The following SRGAP2C variants were observed in gnomAD, a reference collection of about 807,000 sequenced individuals.
The protein encoded by SRGAP2C is SLIT-ROBO Rho GTPase-activating protein 2C.
Under a neutral mutation model 25.1 loss-of-function variants are expected in SRGAP2C, and 15 were observed. The ratio of observed to expected loss-of-function variants is 0.60; its 90% CI spans 0.40 to 0.92. The LOEUF is 0.92. Among genes scored for constraint, SRGAP2C ranks in the 40% least tolerant of loss-of-function variants. The probability of loss-of-function intolerance (pLI) is 0.00; values close to 1 mark genes in which losing one functional copy is unlikely to be tolerated. For synonymous variants in SRGAP2C, 44 were observed against 96.6 expected (o/e 0.46, Z 3.19); for missense variants, 144 against 264.4 (o/e 0.54, Z 3.16).
At chr1:121,368,345 C>T (rs1247365468) in intron 5 of SRGAP2C, among the ~76,000 whole-genome samples, 1 of 145,824 alleles carries the variant, frequency 6.9e-6, no homozygotes, top group Non-Finnish European at 1.5e-5. Flanking sequence ...GCAGAGCTTG[C>T]AGTGAGCCAA....
chr1:121,377,108 T>TA (rs1182085278), intron 7 of SRGAP2C, among the ~76,000 whole-genome samples: 1 of 132,720 alleles, frequency 7.5e-6, no homozygotes, highest in African/African-American at 2.7e-5. Context: ...ATTTTCATCA[T>TA]TTAAAAAAAA....
At chr1:121,328,892 AAAAAAAAAAAAAAC>A (rs1424713777) in intron 4 of SRGAP2C, among the ~76,000 whole-genome samples, 2 of 23,728 alleles carry the variant, frequency 8.4e-5, no homozygotes, top group East Asian at 0.011. Flanking sequence ...GTCTGTTTAA[AAAAAAAAAAAAAAC>A]AAAAAACAAA....
intron 3 of SRGAP2C, among the ~76,000 whole-genome samples, chr1:121,289,271 A>G (rs1370442164): frequency 6.8e-6 from 1 of 147,202 alleles, no homozygotes; most frequent in East Asian, 2.2e-4. Context: ...GCTAAGGCCC[A>G]GCGAGAAATC....
chr1:121,238,691 G>C (rs1248990871), intron 2 of SRGAP2C, among the ~76,000 whole-genome samples: 1 of 151,156 alleles, frequency 6.6e-6, no homozygotes, highest in Non-Finnish European at 1.5e-5. Flanking sequence ...ATAGCTCACT[G>C]TAACCTCAGA....
chr1:121,258,654 C>T (rs1424890006), intron 2 of SRGAP2C, among the ~76,000 whole-genome samples: 30 of 141,866 alleles, frequency 2.1e-4, no homozygotes, highest in African/African-American at 6.8e-4. Flanking sequence ...TTAGTAGAGA[C>T]GAGATTTCTC....
intron 7 of SRGAP2C, among the ~76,000 whole-genome samples, chr1:121,378,516 G>A (rs1318622706): frequency 6.7e-6 from 1 of 150,368 alleles, no homozygotes; most frequent in African/African-American, 2.5e-5. Context: ...TGATGTTTTT[G>A]AATTTCATCC....
At chr1:121,367,994 T>C (rs1659379651) in intron 5 of SRGAP2C, among the ~76,000 whole-genome samples, 1 of 108,126 alleles carries the variant, frequency 9.2e-6, no homozygotes, top group Non-Finnish European at 1.8e-5. Context: ...GAGAATGGCG[T>C]GAACCTGGGA....
At chr1:121,266,399 C>T (rs1656781648) in intron 2 of SRGAP2C, among the ~76,000 whole-genome samples, 1 of 151,550 alleles carries the variant, frequency 6.6e-6, no homozygotes, top group Non-Finnish European at 1.5e-5. Flanking sequence ...GTTGCAAAAC[C>T]ACCATGGCCT....
Position 121,314,908 on chromosome 1 carries a change from G to C in SRGAP2C, c.261-9570G>C, listed in dbSNP as rs1414171868. On this transcript the variant is annotated intron_variant, in intron 3 of 9. Transcript: ENST00000367123. The stretch of plus-strand genomic sequence containing the variant: ...CTGTAGACCGGAGCTGTTCCTATTC[G>C]GCCATATTGGCTCCTCCCCCCTACA... 3 of 689,428 alleles carry C rather than the reference G, an allele frequency of 4.4e-6. 1 individual carries two copies. Among genetic ancestry groups the C allele is most frequent in the Admixed American group, 5.1e-5 (2 of 39,330 alleles). The allele number at this position is 689,428 out of a possible 1,614,324, so 42.7% of individuals were successfully genotyped here. A position where few individuals can be genotyped will look rare whatever the true frequency, so the allele number is the denominator to read the frequency against.
chr1:121,249,616 C>A (rs1553331010), intron 2 of SRGAP2C, among the ~76,000 whole-genome samples: 1 of 34,222 alleles, frequency 2.9e-5, no homozygotes, highest in Non-Finnish European at 5.4e-5. Context: ...ACTTTAAGTT[C>A]TAGAGTACAT....
intron 4 of SRGAP2C, among the ~76,000 whole-genome samples, chr1:121,336,083 A>G (rs1658508894): frequency 6.6e-6 from 1 of 151,102 alleles, no homozygotes; most frequent in East Asian, 2.0e-4. Context: ...TTCCATGGGA[A>G]ACCCAAGATG....
At chr1:121,341,391 AAAGT>A (rs1658645785) in intron 4 of SRGAP2C, among the ~76,000 whole-genome samples, 1 of 59,682 alleles carries the variant, frequency 1.7e-5, no homozygotes, top group African/African-American at 6.3e-5. Context: ...AATACATAAA[AAAGT>A]AAATATATAA....
Position 121,374,972 on chromosome 1 carries a change from A to G in SRGAP2C, c.831+18A>G. 3.9e-6 allele frequency: 3 copies of G among 772,286 alleles called. No individual in the cohort carries two copies. Among genetic ancestry groups the G allele is most frequent in the Non-Finnish European group, 7.3e-6 (3 of 413,052 alleles). The allele number at this position is 772,286 out of a possible 1,614,324, so 47.8% of individuals were successfully genotyped here. On this transcript the variant is annotated intron_variant, in intron 7 of 9. Transcript: ENST00000367123. ...TTATTGATGTAAGTGCTTAAAGCCA[A>G]GGGCCTGAGGGCCCCTCTTTTCTGG...
In SRGAP2C at chr1:121,360,965, C is replaced by T. The variant is rs1202725194; in HGVS notation, c.424-4328C>T. On this transcript the variant is annotated intron_variant, in intron 4 of 9. Transcript: ENST00000367123. ...AACTGGATTCTTTTTTGGAAAACTGCTGACACAGGCTAAATGGCAGAGAAC... is the reference window on the plus strand; with the variant it reads ...AACTGGATTCTTTTTTGGAAAACTGTTGACACAGGCTAAATGGCAGAGAAC... 6.4e-5 allele frequency: 8 copies of T among 124,222 alleles called. No individual in the cohort carries two copies. In the Admixed American group the frequency reaches 6.8e-4, roughly 11 times the overall value. 7.7% of individuals were successfully genotyped at this position (124,222 alleles called of 1,614,324 possible). A position where few individuals can be genotyped will look rare whatever the true frequency, so the allele number is the denominator to read the frequency against.
At chr1:121,302,016 TC>T (rs1657712252) in intron 3 of SRGAP2C, among the ~76,000 whole-genome samples, 1 of 151,928 alleles carries the variant, frequency 6.6e-6, no homozygotes, top group African/African-American at 2.4e-5. Context: ...GGCGTAGACT[TC>T]CAGGTTGAGG....
At chr1:121,293,726 T>C (rs1347048869) in intron 3 of SRGAP2C, among the ~76,000 whole-genome samples, 12 of 147,846 alleles carry the variant, frequency 8.1e-5, no homozygotes, top group African/African-American at 3.0e-4. Flanking sequence ...GCCCAGAACA[T>C]CTCAGTGGGC....
intron 8 of SRGAP2C, among the ~76,000 whole-genome samples, chr1:121,384,778 C>T (rs1570838958): frequency 6.6e-6 from 1 of 151,712 alleles, no homozygotes; most frequent in African/African-American, 2.4e-5. Context: ...CGGAGTGCAG[C>T]TGAAGTGTAT....
chr1:121,268,373 G>A (rs1396749004), intron 2 of SRGAP2C, among the ~76,000 whole-genome samples: 7 of 151,708 alleles, frequency 4.6e-5, no homozygotes, highest in Non-Finnish European at 1.0e-4. Context: ...GTAGCTGGGG[G>A]CCAGTGAGTA....
chr1:121,335,379 TAAATAAATA>T (rs1281296838), intron 4 of SRGAP2C, among the ~76,000 whole-genome samples: 3 of 141,794 alleles, frequency 2.1e-5, no homozygotes, highest in Non-Finnish European at 1.5e-5. Context: ...AATAAATAAA[TAAATAAATA>T]AAACAACCAA....
Sources: allele counts gnomAD v4.1 joint callset (sites outside exome capture counted in the v4.1 genomes callset), GRCh38; gene constraint gnomAD v4.1.1; transcripts MANE v1.5; gene names NCBI Gene and HGNC (gene_info 2026-07-23, HGNC 2026-07-21).